The following AGBL1 variants were observed in gnomAD, a reference collection of about 807,000 sequenced individuals.
AGBL1 encodes cytosolic carboxypeptidase 4.
A neutral mutation model predicts 118.9 loss-of-function variants in AGBL1; 130 were observed. That is an observed-to-expected ratio of 1.09 (90% CI 0.95 to 1.26). The LOEUF is 1.26. Among genes scored for constraint, AGBL1 ranks in the 50% most tolerant of loss-of-function variants. The pLI is 0.00. For synonymous variants in AGBL1, 555 were observed against 478.9 expected (o/e 1.16, Z -2.08); for missense variants, 1,584 against 1,298.1 (o/e 1.22, Z -3.38).
chr15:86,480,184 C>A (rs963413569), intron 18 of AGBL1, among the ~76,000 whole-genome samples: 2 of 152,024 alleles, frequency 1.3e-5, no homozygotes, highest in Non-Finnish European at 2.9e-5. Flanking sequence ...ATGTAACAAA[C>A]CTGCACGTTG....
At chr15:86,874,825 A>G (rs2079784094) in intron 22 of AGBL1, among the ~76,000 whole-genome samples, 1 of 152,174 alleles carries the variant, frequency 6.6e-6, no homozygotes, top group African/African-American at 2.4e-5. Flanking sequence ...GCTACTTTCT[A>G]TTCCTTTAAT....
chr15:86,367,165 G>A (rs1425980258), intron 17 of AGBL1, among the ~76,000 whole-genome samples: 1 of 152,072 alleles, frequency 6.6e-6, no homozygotes, highest in African/African-American at 2.4e-5. Context: ...AAAATCTATG[G>A]GCTCATGTAA....
intron 16 of AGBL1, among the ~76,000 whole-genome samples, chr15:86,282,250 C>T (rs565652081): frequency 1.3e-5 from 2 of 152,226 alleles, no homozygotes; most frequent in South Asian, 2.1e-4. Flanking sequence ...AGAGGACCCC[C>T]CTCTCTCCAC....
At chr15:86,945,853 G>A (rs2080814201) in intron 23 of AGBL1, among the ~76,000 whole-genome samples, 1 of 152,166 alleles carries the variant, frequency 6.6e-6, no homozygotes, top group Admixed American at 6.5e-5. Flanking sequence ...CCTCACCAAA[G>A]TTTTTACAAG....
chr15:86,794,380 A>T (rs146779241), intron 22 of AGBL1, among the ~76,000 whole-genome samples: 1 of 152,328 alleles, frequency 6.6e-6, no homozygotes, highest in South Asian at 2.1e-4. Context: ...TTCTATTTTT[A>T]TGGAATGGCC....
chr15:86,977,793 T>C (rs2081190641), intron 23 of AGBL1, among the ~76,000 whole-genome samples: 1 of 152,036 alleles, frequency 6.6e-6, no homozygotes, highest in African/African-American at 2.4e-5. Flanking sequence ...TTTCTCTTCT[T>C]ATTGCTTACT....
At chr15:87,003,342 T>C (rs1171797979) in intron 24 of AGBL1, among the ~76,000 whole-genome samples, 3 of 151,448 alleles carry the variant, frequency 2.0e-5, no homozygotes, top group African/African-American at 7.3e-5. Context: ...TTGATCATGG[T>C]GGATAAGGTT....
chr15:86,462,420 C>T (rs1358811743), intron 18 of AGBL1, among the ~76,000 whole-genome samples: 1 of 151,976 alleles, frequency 6.6e-6, no homozygotes, highest in Non-Finnish European at 1.5e-5. Context: ...TGCATCATTT[C>T]TTTCTTTCTT....
intron 6 of AGBL1, among the ~76,000 whole-genome samples, chr15:86,241,483 A>G (rs2078640177): frequency 6.6e-6 from 1 of 152,310 alleles, no homozygotes; most frequent in African/African-American, 2.4e-5. Context: ...TGTTTCTATT[A>G]CAAAATCCCT....
chr15:86,481,716 G>A (rs1199538087), intron 18 of AGBL1, among the ~76,000 whole-genome samples: 1 of 152,020 alleles, frequency 6.6e-6, no homozygotes, highest in Admixed American at 6.6e-5. Flanking sequence ...TGGTAACTCA[G>A]AATTACCTGT....
intron 24 of AGBL1, among the ~76,000 whole-genome samples, chr15:87,020,695 G>T (rs908887489): frequency 6.6e-6 from 1 of 151,940 alleles, no homozygotes; most frequent in African/African-American, 2.4e-5. Context: ...GCATTCCTAT[G>T]CACTAAAAAC....
At chr15:86,261,369 G>A (rs2142024763) in intron 9 of AGBL1, among the ~76,000 whole-genome samples, 1 of 152,258 alleles carries the variant, frequency 6.6e-6, no homozygotes, top group South Asian at 2.1e-4. Flanking sequence ...ACAAGAGTGG[G>A]GGCCATGGAG....
intron 16 of AGBL1, among the ~76,000 whole-genome samples, chr15:86,294,105 T>G (rs1394393362): frequency 1.3e-5 from 2 of 152,126 alleles, no homozygotes; most frequent in East Asian, 3.9e-4. Flanking sequence ...TCTTAAAGAT[T>G]GTTAACCAGG....
At chr15:86,904,628 T>A (rs965949789) in intron 22 of AGBL1, among the ~76,000 whole-genome samples, 24 of 148,258 alleles carry the variant, frequency 1.6e-4, no homozygotes, top group African/African-American at 5.2e-4. Flanking sequence ...ATTATATTTA[T>A]TTTGTTATGT....
chr15:86,382,823 G>T (rs1013337030), intron 17 of AGBL1, among the ~76,000 whole-genome samples: 1 of 151,876 alleles, frequency 6.6e-6, no homozygotes, highest in Non-Finnish European at 1.5e-5. Flanking sequence ...TCTTAATTCT[G>T]TTTGTGGAGT....
chr15:86,496,653 AT>A lies in AGBL1; in HGVS notation c.2556-26149del, dbSNP rs917467213. 2.4e-3 allele frequency among the ~76,000 whole-genome samples: 367 copies of A among 151,438 alleles called. 1 individual carries two copies. The highest frequency in any genetic ancestry group is 8.2e-3 in the African/African-American group (340 of 41,354). On this transcript the variant is annotated intron_variant, in intron 18 of 22. Transcript: ENST00000614907. Reference sequence around the variant, plus strand: ...TGGATTATACACTTTTTAACAATGTATTTTTTTTCCCTTTTGCCAGTTTGGA... The same window carrying A: ...TGGATTATACACTTTTTAACAATGTATTTTTTTCCCTTTTGCCAGTTTGGA...
chr15:86,683,207 C>T lies in AGBL1; in HGVS notation c.3158+8771C>T, dbSNP rs185746283. On this transcript the variant is annotated intron_variant, in intron 22 of 22. Coordinates refer to ENST00000614907, the MANE Select transcript of AGBL1 (RefSeq NM_001386094.1). Reference sequence around the variant, plus strand: ...TTAATTTCTCTTTATAGTTCCTTAACGTATGTATTGGGTACATGTATATCT... The same window carrying T: ...TTAATTTCTCTTTATAGTTCCTTAATGTATGTATTGGGTACATGTATATCT... Among the ~76,000 whole-genome samples, 460 of 152,100 alleles carry T rather than the reference C, an allele frequency of 3.0e-3. 4 individuals carry two copies. The highest frequency in any genetic ancestry group is 5.4e-3 in the Non-Finnish European group (370 of 67,992).
chr15:86,852,562 T>A (rs1252340271), intron 22 of AGBL1, among the ~76,000 whole-genome samples: 1 of 152,182 alleles, frequency 6.6e-6, no homozygotes, highest in Non-Finnish European at 1.5e-5. Flanking sequence ...CTGAAGCTGA[T>A]CTCCCAATGC....
chr15:86,291,490 C>A (rs936748888), intron 16 of AGBL1, among the ~76,000 whole-genome samples: 1 of 152,092 alleles, frequency 6.6e-6, no homozygotes, highest in South Asian at 2.1e-4. Flanking sequence ...GATTGGCAAT[C>A]AAACACACAG....
Sources: allele counts gnomAD v4.1 joint callset (sites outside exome capture counted in the v4.1 genomes callset), GRCh38; gene constraint gnomAD v4.1.1; transcripts MANE v1.5; gene names NCBI Gene and HGNC (gene_info 2026-07-23, HGNC 2026-07-21).